The following NMUR2 variants were observed in gnomAD, a reference collection of about 807,000 sequenced individuals.
NMUR2 encodes neuromedin-U receptor 2.
NMUR2 carries 24 observed loss-of-function variants against 25.1 expected under a neutral mutation model. The ratio of observed to expected loss-of-function variants is 0.96; its 90% CI spans 0.69 to 1.34. NMUR2 has a LOEUF of 1.34. Among genes scored for constraint, NMUR2 ranks in the 40% most tolerant of loss-of-function variants. The pLI is 0.00. For missense variants in NMUR2, 533 were observed against 512.8 expected, an observed-to-expected ratio of 1.04 and a Z score of -0.38; for synonymous variants, 218 against 208.1, an observed-to-expected ratio of 1.05 and a Z score of -0.41.
intron 2 of NMUR2, among the ~76,000 whole-genome samples, chr5:152,397,548 ACCT>A (rs1341999905): frequency 6.6e-6 from 1 of 151,066 alleles, no homozygotes; most frequent in Non-Finnish European, 1.5e-5. Flanking sequence ...TTGGTTCGTG[ACCT>A]CCTGAGATGG....
rs368060763 is a variant in NMUR2, at chr5:152,392,388, A to G, written c.1051T>C (p.Ser351Pro). 1.9e-6 allele frequency: 3 copies of G among 1,614,042 alleles called. No individual in the cohort carries two copies. The highest frequency in any genetic ancestry group is 2.5e-6 in the Non-Finnish European group (3 of 1,179,938). The change falls in exon 4 of 4, where the codon TCC becomes CCC. Residue 351 changes from serine to proline, a missense_variant. Transcript: ENST00000255262. ...GGTGGCAACTGTGGGTCATGCTGGG[A>G]GTGCCACTGTTTGTGGAAAGAAGAG... The part of the protein sequence containing the change: ...VISSFHKQWH[S>P]QHDPQLPPAQ...
rs781307678 is a variant in NMUR2, at chr5:152,392,485, C to T, written c.954G>A (p.Leu318=). The T allele has an allele frequency of 1.2e-6, 2 of 1,612,480 alleles. No homozygotes were observed. The highest frequency in any genetic ancestry group is 1.7e-6 in the Non-Finnish European group (2 of 1,178,866). Residue 318 remains leucine (L), a synonymous_variant, in exon 4 of 4, where the codon CTG becomes CTA. Coordinates refer to ENST00000255262, the MANE Select transcript of NMUR2 (RefSeq NM_020167.5). ...VHVVSGVFFY[L]SSAVNPIIYN... Reference sequence around the variant, plus strand: ...AGATAATGGGGTTGACAGCTGAGCTCAGGTAGAAGAAGACACCTGGAATGC... The same window carrying T: ...AGATAATGGGGTTGACAGCTGAGCTTAGGTAGAAGAAGACACCTGGAATGC...
chr5:152,404,272 T>A, intron 1 of NMUR2, 116 bp downstream of exon 1: 2 of 1,264,226 alleles, frequency 1.6e-6, no homozygotes, highest in Non-Finnish European at 2.2e-6. Context: ...CTCATTCTAT[T>A]TTCCCTCTGT....
At chr5:152,400,808 C>T (rs1753238402) in intron 1 of NMUR2, among the ~76,000 whole-genome samples, 1 of 152,144 alleles carries the variant, frequency 6.6e-6, no homozygotes, top group South Asian at 2.1e-4. Flanking sequence ...TTGTGTTTAA[C>T]AGTTCTCAAT....
chr5:152,401,031 A>C (rs889116400), intron 1 of NMUR2, among the ~76,000 whole-genome samples: 3 of 152,224 alleles, frequency 2.0e-5, no homozygotes, highest in Admixed American at 1.3e-4. Flanking sequence ...TTGATTACTT[A>C]CATATGGTGT....
In NMUR2 at chr5:152,405,169, GGAA is replaced by G; in HGVS notation, c.-59_-57del. 1 of 1,202,306 alleles carries G rather than the reference GGAA, an allele frequency of 8.3e-7. No individual in the cohort carries two copies. The highest frequency in any genetic ancestry group is 1.1e-6 in the Non-Finnish European group (1 of 919,382). The allele number at this position is 1,202,306 out of a possible 1,614,324, so 74.5% of individuals were successfully genotyped here. ...CGAGGCTCTGTTTCAAGCTGAGCCA[GGAA>G]AAAAAAAAAAAAAAGAAAAAAGGAA... On this transcript the variant is annotated 5_prime_UTR_variant, in exon 1 of 4. Coordinates refer to ENST00000255262, the MANE Select transcript of NMUR2 (RefSeq NM_020167.5).
rs1753067636 is a variant in NMUR2 at position 152,391,983 on chromosome 5, G to A, written c.*208C>T. On this transcript the variant is annotated 3_prime_UTR_variant, in exon 4 of 4. Coordinates refer to ENST00000255262, the MANE Select transcript of NMUR2 (RefSeq NM_020167.5). The stretch of plus-strand genomic sequence containing the variant: ...GGGGCATGAGGCAGTTAGGATAGTG[G>A]AAAGATAACTAAAAATCAGGCAGTC... The A allele has an allele frequency of 1.9e-6, 1 of 524,082 alleles. No individual in the cohort carries two copies. Among genetic ancestry groups the A allele is most frequent in the Non-Finnish European group, 3.4e-6 (1 of 295,738 alleles). The allele number at this position is 524,082 out of a possible 1,614,324, so 32.5% of individuals were successfully genotyped here. A position where few individuals can be genotyped will look rare whatever the true frequency, so the allele number is the denominator to read the frequency against.
At chr5:152,399,740 C>T (rs192972442) in intron 1 of NMUR2, among the ~76,000 whole-genome samples, 5 of 152,236 alleles carry the variant, frequency 3.3e-5, no homozygotes, top group Admixed American at 2.6e-4. Flanking sequence ...CTTTTCATGT[C>T]TATGCTCCCT....
At position 152,404,657 on chromosome 5, in the gene NMUR2, G is replaced by A. The variant is rs963142407; in HGVS notation, c.457C>T (p.Arg153Cys). The A allele has an allele frequency of 6.2e-7, 1 of 1,613,778 alleles. No individual in the cohort carries two copies. ...ERYVAILHPF[R>C]AKLQSTRRRA... ...CGCCGGGTGCTCTGCAGTTTGGCGC[G>A]GAACGGGTGTAGGATGGCCACGTAG... Residue 153 changes from arginine (R) to cysteine (C), a missense_variant, in exon 1 of 4, where the codon CGC becomes TGC. By Grantham distance (180) the Arg-to-Cys change is radical. Transcript: ENST00000255262.
rs77831671 is a variant in NMUR2 at position 152,404,010 on chromosome 5, A to T, written c.726+378T>A. 2.0e-5 allele frequency among the ~76,000 whole-genome samples: 3 copies of T among 152,120 alleles called. No individual in the cohort carries two copies. The East Asian group carries it at 5.8e-4, about 29-fold the overall frequency. On this transcript the variant is annotated intron_variant, in intron 1 of 3. Transcript: ENST00000255262. ...TCTCAAAGTGTGGCCACCTCACCCC[A>T]GATCACCTGATGTGCTTATTTAAAA... is the stretch of plus-strand genomic sequence containing the variant.
chr5:152,405,275 A>AGGCAGCCTAACCTGGAG lies in NMUR2; in HGVS notation c.-163_-162insCTCCAGGTTAGGCTGCC. 1 of 808,170 alleles carries AGGCAGCCTAACCTGGAG rather than the reference A, an allele frequency of 1.2e-6. No individual in the cohort carries two copies. Among genetic ancestry groups the AGGCAGCCTAACCTGGAG allele is most frequent in the Non-Finnish European group, 1.9e-6 (1 of 533,140 alleles). The allele number at this position is 808,170 out of a possible 1,614,324, so 50.1% of individuals were successfully genotyped here. ...GGAGAGAGTGAGTGTTTCACCCTCC[A>AGGCAGCCTAACCTGGAG]GGTTAGGCTGCCTGGACCGCCGATC... On this transcript the variant is annotated 5_prime_UTR_variant, in exon 1 of 4. Transcript: ENST00000255262.
Position 152,405,068 on chromosome 5 carries a change from G to T in NMUR2, c.46C>A (p.Gln16Lys), listed in dbSNP as rs200461675. ...TTCTGGAATGGATCTTCTAGTTTCT[G>T]CTGGTAGATCCAGGAAGCATTCTGA... ...KLQNASWIYQ[Q>K]KLEDPFQKHL... is the part of the protein sequence containing the mutation. The change falls in exon 1 of 4, where the codon CAG (glutamine) becomes AAG (lysine). Residue 16 changes from glutamine to lysine, a missense_variant. Gln to Lys is a moderately conservative substitution (Grantham distance 53). Coordinates refer to ENST00000255262, the MANE Select transcript of NMUR2 (RefSeq NM_020167.5). 1.9e-6 allele frequency: 3 copies of T among 1,613,460 alleles called. No homozygotes were observed. In the East Asian group the frequency reaches 6.7e-5, roughly 36 times the overall value.
rs372649573 is a variant in NMUR2, at chr5:152,396,741, A to T, written c.812-1157T>A. Among the ~76,000 whole-genome samples, 694 of 152,052 alleles carry T rather than the reference A, an allele frequency of 4.6e-3. 5 individuals are homozygous for T. Among genetic ancestry groups the T allele is most frequent in the African/African-American group, 0.016 (662 of 41,470 alleles). ...AGCCCGTCTTTACTAAAAATACAAA[A>T]ATCAGCCAGGTGTGGTTGCACACGC... On this transcript the variant is annotated intron_variant, in intron 2 of 3. Transcript: ENST00000255262.
chr5:152,398,960 T>C (rs546020988), intron 1 of NMUR2, among the ~76,000 whole-genome samples: 4 of 152,208 alleles, frequency 2.6e-5, no homozygotes, highest in Non-Finnish European at 2.9e-5. Flanking sequence ...TCAACACTAC[T>C]TGTATGCACA....
intron 2 of NMUR2, 70 bp from the exon 3 acceptor site, chr5:152,395,654 G>T: frequency 6.5e-7 from 1 of 1,536,990 alleles, no homozygotes; most frequent in Non-Finnish European, 8.8e-7. Context: ...TGCTCACTCT[G>T]AGTCAATCAT....
chr5:152,404,078 G>T (rs1443194545), intron 1 of NMUR2, among the ~76,000 whole-genome samples: 1 of 152,174 alleles, frequency 6.6e-6, no homozygotes, highest in Non-Finnish European at 1.5e-5. Context: ...TTTCCTGGGG[G>T]TGAGGTATGC....
intron 1 of NMUR2, among the ~76,000 whole-genome samples, chr5:152,399,345 C>T (rs1327647494): frequency 3.9e-5 from 6 of 152,112 alleles, no homozygotes; most frequent in Non-Finnish European, 7.4e-5. Context: ...AGAGGTGTCA[C>T]TAAACTTCAG....
rs891172802 is a variant in NMUR2, at chr5:152,404,429, T to A, written c.685A>T (p.Met229Leu). 4.3e-6 allele frequency: 7 copies of A among 1,613,840 alleles called. No homozygotes were observed. The change falls in exon 1 of 4, where the codon ATG becomes TTG. Residue 229 changes from methionine to leucine, a missense_variant. Met to Leu is a conservative substitution (Grantham distance 15). Coordinates refer to ENST00000255262, the MANE Select transcript of NMUR2 (RefSeq NM_020167.5). ...TAGTAGAGGACACTGATGACAGTCA[T>A]GGGGAGGAGGTAGAATAGGAAGGAG... is the stretch of plus-strand genomic sequence containing the variant. ...VTSFLFYLLP[M>L]TVISVLYYLM... is the part of the protein sequence containing the mutation.
In NMUR2 at chr5:152,404,672, T is replaced by A. The variant is rs1193543696; in HGVS notation, c.442A>T (p.Ile148Phe). Residue 148 changes from isoleucine (I) to phenylalanine (F), a missense_variant, in exon 1 of 4, where the codon ATC becomes TTC. Transcript: ENST00000255262. ...AGTTTGGCGCGGAACGGGTGTAGGA[T>A]GGCCACGTAGCGCTCCACGCTGACG... ...TTVSVERYVA[I>F]LHPFRAKLQS... 1.9e-6 allele frequency: 3 copies of A among 1,613,878 alleles called. No homozygotes were observed. Among genetic ancestry groups the A allele is most frequent in the Non-Finnish European group, 2.5e-6 (3 of 1,180,018 alleles).
Sources: allele counts gnomAD v4.1 joint callset (sites outside exome capture counted in the v4.1 genomes callset), GRCh38; gene constraint gnomAD v4.1.1; transcripts MANE v1.5; gene names NCBI Gene and HGNC (gene_info 2026-07-23, HGNC 2026-07-21).